COG3: variants seen among roughly 807,000 people sequenced by gnomAD.
COG3 encodes the protein conserved oligomeric Golgi complex subunit 3.
In COG3, 32 loss-of-function variants were observed where a neutral mutation model predicts 114.1. The ratio of observed to expected loss-of-function variants is 0.28; its 90% CI spans 0.21 to 0.38. The LOEUF is 0.38. COG3 is among the 10% of genes least tolerant of loss of function. The pLI is 1.00. For missense variants in COG3, 813 were observed against 973.2 expected (o/e 0.84, Z 2.19); for synonymous variants, 352 against 365.7 (o/e 0.96, Z 0.43).
intron 19 of COG3, among the ~76,000 whole-genome samples, 155 bp from the exon 20 acceptor site, chr13:45,524,820 AT>A (rs34702079): frequency 0.3 from 46,338 of 151,938 alleles, 8,163 homozygotes; most frequent in Middle Eastern, 0.52. Context: ...GAGATAATGC[AT>A]TTTTTTTAGG....
chr13:45,513,080 C>T (rs1317198054), intron 16 of COG3, among the ~76,000 whole-genome samples: 8 of 150,972 alleles, frequency 5.3e-5, no homozygotes, highest in Admixed American at 5.3e-4. Context: ...AGGGAAGGAG[C>T]TGTGGGAGCT....
intron 1 of COG3, among the ~76,000 whole-genome samples, chr13:45,466,077 G>A (rs1330887020): frequency 6.6e-6 from 1 of 152,024 alleles, no homozygotes; most frequent in African/African-American, 2.4e-5. Context: ...TCGCTCTGTC[G>A]CCCAGGCTGG....
Position 45,476,313 on chromosome 13 carries a change from G to A in COG3, c.287G>A (p.Gly96Glu). ...CTCTTGAAGGGCTTCACTTCCTTAG[G>A]AATGGAAGAAGAAAGAATTGAAACC... The part of the protein sequence containing the change: ...DILLKGFTSL[G>E]MEEERIETAQ... The change falls in exon 2 of 23, where the codon GGA becomes GAA. Residue 96 changes from glycine to glutamate, a missense_variant. Around this residue, in one of 2 missense-constraint regions of COG3, gnomAD observed 424 missense variants for 430.6 expected, o/e 0.98. Coordinates refer to ENST00000349995, the MANE Select transcript of COG3 (RefSeq NM_031431.4). 1 of 1,613,538 alleles carries A rather than the reference G, an allele frequency of 6.2e-7. No homozygotes were observed. Among genetic ancestry groups the A allele is most frequent in the Non-Finnish European group, 8.5e-7 (1 of 1,179,644 alleles).
At chr13:45,496,050 G>T (rs544361787) in intron 12 of COG3, 102 bp from the exon 13 acceptor site, 61 of 1,084,536 alleles carry the variant, frequency 5.6e-5, no homozygotes, top group Non-Finnish European at 7.2e-5. Flanking sequence ...TGAAGCAAAA[G>T]TGGTTCATAC....
chr13:45,479,421 C>T (rs1370496673), intron 3 of COG3, among the ~76,000 whole-genome samples: 2 of 151,858 alleles, frequency 1.3e-5, no homozygotes, highest in Admixed American at 6.6e-5. Flanking sequence ...AGGATGGCCA[C>T]TTAGGTTGGT....
intron 4 of COG3, among the ~76,000 whole-genome samples, 180 bp downstream of exon 4, chr13:45,480,470 CA>C (rs2137799366): frequency 6.6e-6 from 1 of 152,348 alleles, no homozygotes; most frequent in East Asian, 1.9e-4. Flanking sequence ...ATGTGAATAG[CA>C]AAGGCAAGCC....
chr13:45,535,370 T>C lies in COG3; in HGVS notation c.*639T>C. 1.0e-6 allele frequency: 1 copy of C among 985,454 alleles called. No individual in the cohort carries two copies. Among genetic ancestry groups the C allele is most frequent in the African/African-American group, 1.7e-5 (1 of 57,364 alleles). 61.0% of individuals were successfully genotyped at this position (985,454 alleles called of 1,614,324 possible). A position where few individuals can be genotyped will look rare whatever the true frequency, so the allele number is the denominator to read the frequency against. Reference sequence around the variant, plus strand: ...GTGAAGCTCCAGCATCTGTGCCCCTTGAATTGCTTAGGTGCAGACAGTTCT... The same window carrying C: ...GTGAAGCTCCAGCATCTGTGCCCCTCGAATTGCTTAGGTGCAGACAGTTCT... On this transcript the variant is annotated 3_prime_UTR_variant, in exon 23 of 23. Coordinates refer to ENST00000349995, the MANE Select transcript of COG3 (RefSeq NM_031431.4).
chr13:45,518,424 C>G (rs1038442537), intron 17 of COG3, among the ~76,000 whole-genome samples: 2 of 152,150 alleles, frequency 1.3e-5, no homozygotes, highest in African/African-American at 4.8e-5. Context: ...AATAAAGAAG[C>G]TGGGTAAGTA....
Position 45,464,946 on chromosome 13 carries a change from T to C in COG3, c.-91T>C. 2 of 1,468,942 alleles carry C rather than the reference T, an allele frequency of 1.4e-6. No individual in the cohort carries two copies. Among genetic ancestry groups the C allele is most frequent in the Non-Finnish European group, 1.8e-6 (2 of 1,116,866 alleles). The allele number at this position is 1,468,942 out of a possible 1,614,324, so 91.0% of individuals were successfully genotyped here. ...TCCCGCCCCGCCGCCGGTGCAGTGT[T>C]GGAAGCTCCGGTTCTCCCGGAAGTG... On this transcript the variant is annotated 5_prime_UTR_variant, in exon 1 of 23. Transcript: ENST00000349995.
chr13:45,500,040 ATGTGTGTGTG>A lies in COG3; in HGVS notation c.1489-3187_1489-3178del, dbSNP rs1273258218. 1.2e-3 allele frequency among the ~76,000 whole-genome samples: 160 copies of A among 136,838 alleles called. 1 individual carries two copies. Among genetic ancestry groups the A allele is most frequent in the East Asian group, 5.0e-3 (24 of 4,836 alleles). The allele number at this position is 136,838 out of a possible 152,430, so 89.8% of individuals were successfully genotyped here. Reference sequence around the variant, plus strand: ...CTTAAAAAAAAATATATATATATGTATGTGTGTGTGTGTGTGTGTGTGTGTGAGTGTGTGT... The same window carrying A: ...CTTAAAAAAAAATATATATATATGTATGTGTGTGTGTGTGTGAGTGTGTGT... On this transcript the variant is annotated intron_variant, in intron 13 of 22. Coordinates refer to ENST00000349995, the MANE Select transcript of COG3 (RefSeq NM_031431.4).
intron 7 of COG3, among the ~76,000 whole-genome samples, chr13:45,485,154 T>G (rs1886516421): frequency 6.8e-6 from 1 of 146,934 alleles, no homozygotes; most frequent in Admixed American, 6.7e-5. Context: ...GCAGAGGGGC[T>G]CCTCACTTCC....
At chr13:45,521,574 C>T (rs911099689) in intron 19 of COG3, among the ~76,000 whole-genome samples, 4 of 142,216 alleles carry the variant, frequency 2.8e-5, no homozygotes, top group South Asian at 2.1e-4. Context: ...AAGATACATA[C>T]GTGCACACAC....
intron 19 of COG3, among the ~76,000 whole-genome samples, 196 bp from the exon 20 acceptor site, chr13:45,524,780 T>C (rs7999820): frequency 0.023 from 3,555 of 152,168 alleles, 118 homozygotes; most frequent in African/African-American, 0.075. Context: ...GAAGTTTTAC[T>C]AAAAACGTTG....
At chr13:45,519,159 T>A in intron 19 of COG3, 65 bp downstream of exon 19, 1 of 1,554,860 alleles carries the variant, frequency 6.4e-7, no homozygotes. Flanking sequence ...CCTTTTGAAT[T>A]ACTCTCTTGT....
chr13:45,525,634 G>GTTTTTTTTTT (rs59577529), intron 20 of COG3, among the ~76,000 whole-genome samples: 1,015 of 56,500 alleles, frequency 0.018, 82 homozygotes, highest in African/African-American at 0.054. Flanking sequence ...AGGGCTTTGG[G>GTTTTTTTTTT]TTTTTTTTTT....
intron 7 of COG3, 58 bp downstream of exon 7, chr13:45,483,413 A>G: frequency 7.3e-7 from 1 of 1,372,086 alleles, no homozygotes; most frequent in South Asian, 1.6e-5. Context: ...TGATTCATTC[A>G]TCTTCCATAA....
At chr13:45,465,392 G>A (rs1885073392) in intron 1 of COG3, 182 bp downstream of exon 1, 1 of 1,050,022 alleles carries the variant, frequency 9.5e-7, no homozygotes, top group Non-Finnish European at 1.3e-6. Flanking sequence ...CTCTGCCTGC[G>A]ACCCCGACTC....
intron 22 of COG3, among the ~76,000 whole-genome samples, chr13:45,533,552 A>G (rs1593762108): frequency 6.6e-6 from 1 of 152,324 alleles, no homozygotes; most frequent in South Asian, 2.1e-4. Context: ...AAATTCTCTC[A>G]CTACTCCTGT....
At chr13:45,479,137 C>T (rs1886093725) in intron 3 of COG3, 71 bp downstream of exon 3, 1 of 1,101,868 alleles carries the variant, frequency 9.1e-7, no homozygotes, top group East Asian at 2.4e-5. Context: ...ATTTCATAAT[C>T]AGTGTCTTTA....
Sources: gnomAD v4.1 joint callset for allele counts (sites outside exome capture counted in the v4.1 genomes callset) on GRCh38, gnomAD v4.1.1 for gene constraint, gnomAD v4.1.1 regional missense constraint, MANE v1.5 for transcripts, NCBI Gene and HGNC (gene_info 2026-07-23, HGNC 2026-07-21) for gene names.